Variants in ART1 observed in about 807,000 individuals in gnomAD.
ART1 encodes the protein GPI-linked NAD(P)(+)--arginine ADP-ribosyltransferase 1.
In ART1, 29 loss-of-function variants were observed where a neutral mutation model predicts 27.0. The ratio of observed to expected loss-of-function variants is 1.08; its 90% CI spans 0.80 to 1.47. The LOEUF is 1.47. Among genes scored for constraint, ART1 ranks in the 40% most tolerant of loss-of-function variants. ART1 has a pLI of 0.00. For missense variants in ART1, 480 were observed against 423.0 expected, an observed-to-expected ratio of 1.13 and a Z score of -1.18; for synonymous variants, 201 against 172.2, an observed-to-expected ratio of 1.17 and a Z score of -1.31.
At chr11:3,662,490 A>G (rs569518158) in intron 4 of ART1, among the ~76,000 whole-genome samples, 9 of 152,116 alleles carry the variant, frequency 5.9e-5, no homozygotes, top group Admixed American at 1.3e-4. Flanking sequence ...ATTCATCCTC[A>G]CCACACCCCA....
intron 1 of ART1, among the ~76,000 whole-genome samples, chr11:3,655,331 A>T (rs2077564533): frequency 6.6e-6 from 1 of 152,152 alleles, no homozygotes; most frequent in South Asian, 2.1e-4. Flanking sequence ...AAAGTCAGAC[A>T]GAGAAGAGAA....
intron 1 of ART1, 117 bp from the exon 2 acceptor site, chr11:3,659,045 C>G: frequency 1.5e-6 from 1 of 646,986 alleles, no homozygotes; most frequent in South Asian, 1.9e-5. Flanking sequence ...AGGGTCCTCT[C>G]TCTTCTGAGC....
chr11:3,649,625 C>G (rs1442895155), intron 1 of ART1, among the ~76,000 whole-genome samples: 2 of 152,232 alleles, frequency 1.3e-5, no homozygotes, highest in African/African-American at 4.8e-5. Context: ...TCCTCAGCCT[C>G]AGCTCCTCCA....
At chr11:3,655,656 G>C (rs1482475948) in intron 1 of ART1, 1 of 152,178 alleles carries the variant, frequency 6.6e-6, no homozygotes, top group Non-Finnish European at 1.5e-5. Flanking sequence ...ACAGTGTCAG[G>C]TACACTCTCT....
At position 3,660,189 on chromosome 11, in the gene ART1, T is replaced by A. The variant is rs1334115404; in HGVS notation, c.670T>A (p.Cys224Ser). 6.2e-7 allele frequency: 1 copy of A among 1,614,062 alleles called. No homozygotes were observed. Among genetic ancestry groups the A allele is most frequent in the Admixed American group, 1.7e-5 (1 of 60,034 alleles). The change falls in exon 3 of 5, where the codon TGC becomes AGC. Residue 224 changes from cysteine (C) to serine (S), a missense_variant. Transcript: ENST00000250693. ...GGACACCTTCTTCGGCATCTGGACCTGCCTTGGGGCCCCTATCAAGGGCTA... is the reference window on the plus strand; with the variant it reads ...GGACACCTTCTTCGGCATCTGGACCAGCCTTGGGGCCCCTATCAAGGGCTA... ...GEDTFFGIWT[C>S]LGAPIKGYSF...
intron 1 of ART1, among the ~76,000 whole-genome samples, chr11:3,654,891 A>C (rs1201521944): frequency 3.3e-5 from 5 of 152,054 alleles, no homozygotes; most frequent in Non-Finnish European, 7.4e-5. Context: ...CAAGCCTCTG[A>C]TGTATCTTGT....
rs965842564 is a variant in ART1, at chr11:3,652,222, C to G, written c.-52-6940C>G. On this transcript the variant is annotated intron_variant, in intron 1 of 4. Coordinates refer to ENST00000250693, the MANE Select transcript of ART1 (RefSeq NM_004314.3). ...ACCTCTTAGTCTAGGTAGACACTTT[C>G]ACTGGATAGGTACAGGCCTTTCCTA... 2.0e-3 allele frequency among the ~76,000 whole-genome samples: 306 copies of G among 150,958 alleles called. 2 individuals carry two copies. Among genetic ancestry groups the G allele is most frequent in the African/African-American group, 6.8e-3 (273 of 40,388 alleles).
chr11:3,652,736 C>A (rs1366495682), intron 1 of ART1, among the ~76,000 whole-genome samples: 1 of 151,338 alleles, frequency 6.6e-6, no homozygotes, highest in African/African-American at 2.5e-5. Context: ...ATGTCCTGCT[C>A]TTGTTTACAC....
intron 1 of ART1, among the ~76,000 whole-genome samples, chr11:3,653,753 C>T (rs1219116130): frequency 6.6e-6 from 1 of 151,996 alleles, no homozygotes; most frequent in East Asian, 1.9e-4. Context: ...TCCCCTATAG[C>T]CCATCAGACA....
chr11:3,645,443 A>G (rs1313677288), intron 1 of ART1, among the ~76,000 whole-genome samples: 1 of 152,134 alleles, frequency 6.6e-6, no homozygotes, highest in Admixed American at 6.5e-5. Context: ...GAGCAGGATG[A>G]GAGGGAGGAC....
At chr11:3,655,966 C>T (rs2077571600) in intron 1 of ART1, among the ~76,000 whole-genome samples, 1 of 139,256 alleles carries the variant, frequency 7.2e-6, no homozygotes, top group Admixed American at 7.6e-5. Flanking sequence ...GAGTTTCACT[C>T]TTGTCGCCCA....
chr11:3,648,844 A>C (rs1208698230), intron 1 of ART1, among the ~76,000 whole-genome samples: 1 of 150,578 alleles, frequency 6.6e-6, no homozygotes, highest in Non-Finnish European at 1.5e-5. Flanking sequence ...TTTCTGGGGG[A>C]GGGGCAAAAA....
chr11:3,656,492 C>T (rs1057488261), intron 1 of ART1, among the ~76,000 whole-genome samples: 4 of 152,030 alleles, frequency 2.6e-5, no homozygotes, highest in African/African-American at 4.8e-5. Flanking sequence ...AAGCTATTCT[C>T]CTGCCTCAGC....
intron 1 of ART1, among the ~76,000 whole-genome samples, chr11:3,645,668 T>C (rs538571057): frequency 1.3e-5 from 2 of 152,286 alleles, no homozygotes; most frequent in South Asian, 4.1e-4. Flanking sequence ...CCCCAGTCCC[T>C]GGCCTTGGCA....
intron 1 of ART1, among the ~76,000 whole-genome samples, chr11:3,648,329 C>CG (rs1339853338): frequency 1.3e-5 from 2 of 152,174 alleles, no homozygotes; most frequent in Admixed American, 1.3e-4. Flanking sequence ...TGACTCAGAT[C>CG]GGGGGACCTC....
intron 4 of ART1, among the ~76,000 whole-genome samples, chr11:3,661,711 T>G (rs1359187456): frequency 4.6e-5 from 7 of 152,260 alleles, no homozygotes; most frequent in South Asian, 4.1e-4. Context: ...TTGGCCAGGC[T>G]GGTCTTGAAC....
chr11:3,664,165 T>C lies in ART1; in HGVS notation c.960T>C (p.Phe320=). 2 of 1,614,020 alleles carry C rather than the reference T, an allele frequency of 1.2e-6. No individual in the cohort carries two copies. Among genetic ancestry groups the C allele is most frequent in the Non-Finnish European group, 8.5e-7 (1 of 1,180,026 alleles). ...TCTGGTTCCTCGTGGTGAGGGCCTTTCCAGATGGTCCAGGCCTCCTTTGAT... is the reference window on the plus strand; with the variant it reads ...TCTGGTTCCTCGTGGTGAGGGCCTTCCCAGATGGTCCAGGCCTCCTTTGAT... ...LLLWFLVVRA[F]PDGPGLL The change falls in exon 5 of 5, where the codon TTT becomes TTC. Residue 320 remains phenylalanine (F), a synonymous_variant. Transcript: ENST00000250693.
chr11:3,648,593 G>A (rs958702659), intron 1 of ART1, among the ~76,000 whole-genome samples: 1 of 152,108 alleles, frequency 6.6e-6, no homozygotes, highest in Non-Finnish European at 1.5e-5. Context: ...AGAGACAAAG[G>A]AGACACGTTT....
intron 2 of ART1, 120 bp from the exon 3 acceptor site, chr11:3,659,463 C>T: frequency 4.4e-6 from 6 of 1,371,080 alleles, no homozygotes; most frequent in Non-Finnish European, 5.9e-6. Context: ...CAATCCCCTT[C>T]CCCACCAGGT....
Sources: allele counts gnomAD v4.1 joint callset (sites outside exome capture counted in the v4.1 genomes callset), GRCh38; gene constraint gnomAD v4.1.1; transcripts MANE v1.5; gene names NCBI Gene and HGNC (gene_info 2026-07-23, HGNC 2026-07-21).